PIAS1: variants seen among roughly 807,000 people sequenced by gnomAD.
The protein encoded by PIAS1 is E3 SUMO-protein ligase PIAS1.
PIAS1 carries 6 observed loss-of-function variants against 71.3 expected under a neutral mutation model. The observed-to-expected ratio is 0.08, with a 90% CI of 0.05 to 0.17. The LOEUF is 0.17. Among genes scored for constraint, PIAS1 ranks in the 10% least tolerant of loss-of-function variants. PIAS1 has a pLI of 1.00. For missense variants in PIAS1, 555 were observed against 793.6 expected, an observed-to-expected ratio of 0.70 and a Z score of 3.61; for synonymous variants, 303 against 292.9, an observed-to-expected ratio of 1.03 and a Z score of -0.35.
chr15:68,193,103 G>C lies in PIAS1; in HGVS notation c.*5268G>C, dbSNP rs535029275. On this transcript the variant is annotated 3_prime_UTR_variant, in exon 14 of 14. Transcript: ENST00000249636. ...TGGTTACATCCCCTTATTTCTCTCC[G>C]TAAGTCCTGGGGAGGTGGCTTAAGG... 1 of 152,202 alleles carries C rather than the reference G, an allele frequency of 6.6e-6. No homozygotes were observed. Among genetic ancestry groups the C allele is most frequent in the African/African-American group, 2.4e-5 (1 of 41,406 alleles). The allele number at this position is 152,202 out of a possible 1,614,324, so 9.4% of individuals were successfully genotyped here.
intron 1 of PIAS1, among the ~76,000 whole-genome samples, chr15:68,070,917 G>T (rs1005622353): frequency 1.3e-4 from 20 of 152,020 alleles, no homozygotes; most frequent in Admixed American, 4.6e-4. Context: ...CACTGTGCCT[G>T]GCCTTTTTAC....
chr15:68,077,704 A>C (rs1355059109), intron 1 of PIAS1, among the ~76,000 whole-genome samples: 6 of 152,220 alleles, frequency 3.9e-5, no homozygotes, highest in African/African-American at 1.4e-4. Context: ...AAACATTTTC[A>C]TACTATGTGA....
intron 12 of PIAS1, among the ~76,000 whole-genome samples, chr15:68,182,983 C>T (rs1257060684): frequency 2.0e-5 from 3 of 152,156 alleles, no homozygotes; most frequent in African/African-American, 7.2e-5. Context: ...TGCTCTTCAT[C>T]GCATTACACA....
chr15:68,108,683 T>G (rs2092494563), intron 2 of PIAS1, among the ~76,000 whole-genome samples: 1 of 152,176 alleles, frequency 6.6e-6, no homozygotes, highest in Non-Finnish European at 1.5e-5. Flanking sequence ...CAAAATGAAG[T>G]CTACCCTCAG....
chr15:68,160,671 T>A (rs1249454360), intron 7 of PIAS1, among the ~76,000 whole-genome samples: 2 of 152,190 alleles, frequency 1.3e-5, no homozygotes, highest in Non-Finnish European at 2.9e-5. Flanking sequence ...TGCTGAAATA[T>A]AATTCACCTT....
rs764954346 is a variant in PIAS1 at position 68,187,556 on chromosome 15, C to G, written c.1677C>G (p.Ser559=). The change falls in exon 14 of 14, where the codon TCC becomes TCG. Residue 559 remains serine, a synonymous_variant. Transcript: ENST00000249636. The surrounding 1 kb of genome is among the most constrained non-coding windows in gnomAD (Gnocchi z 5.3). ...LSGDNQHYNT[S]LLAAAAAAVS... The stretch of plus-strand genomic sequence containing the variant: ...CCCCTCCCTAGCATTACAACACCTC[C>G]TTGCTTGCCGCTGCAGCAGCAGCAG... 5.6e-6 allele frequency: 9 copies of G among 1,613,718 alleles called. No homozygotes were observed. In the South Asian group the frequency reaches 9.9e-5, roughly 18 times the overall value.
At chr15:68,067,832 C>A (rs2092046017) in intron 1 of PIAS1, among the ~76,000 whole-genome samples, 1 of 152,074 alleles carries the variant, frequency 6.6e-6, no homozygotes, top group Non-Finnish European at 1.5e-5. Flanking sequence ...AACCTTGAGG[C>A]CTTCCTTTGT....
intron 1 of PIAS1, among the ~76,000 whole-genome samples, chr15:68,075,191 T>C (rs558342197): frequency 2.7e-5 from 4 of 145,762 alleles, no homozygotes; most frequent in Admixed American, 2.1e-4. Flanking sequence ...GTTCAAGCAA[T>C]TCTCCTGCCT....
At chr15:68,128,114 G>C (rs191678526) in intron 2 of PIAS1, among the ~76,000 whole-genome samples, 236 of 152,192 alleles carry the variant, frequency 1.6e-3, no homozygotes, top group African/African-American at 5.2e-3. Context: ...TAGCAGTCTA[G>C]AATGGGAATT....
At chr15:68,165,088 G>A (rs1447759638) in intron 8 of PIAS1, among the ~76,000 whole-genome samples, 3 of 152,146 alleles carry the variant, frequency 2.0e-5, no homozygotes, top group African/African-American at 7.2e-5. Context: ...TATTGTCTCA[G>A]TGTATTTATA....
At chr15:68,091,183 AG>A (rs574773108) in intron 2 of PIAS1, among the ~76,000 whole-genome samples, 37 of 152,334 alleles carry the variant, frequency 2.4e-4, no homozygotes, top group Admixed American at 2.4e-3. Flanking sequence ...TGAAAATAAA[AG>A]GAAAAATAAT....
At chr15:68,118,640 C>T (rs1268729363) in intron 2 of PIAS1, among the ~76,000 whole-genome samples, 3 of 152,202 alleles carry the variant, frequency 2.0e-5, no homozygotes, top group African/African-American at 7.2e-5. Flanking sequence ...CTGTGCCCAG[C>T]TGTCTTGATT....
At chr15:68,088,591 C>G (rs905928942) in intron 2 of PIAS1, among the ~76,000 whole-genome samples, 3 of 151,958 alleles carry the variant, frequency 2.0e-5, no homozygotes, top group Non-Finnish European at 4.4e-5. Context: ...GAATTAAAAA[C>G]AAACCAATTT....
At chr15:68,160,122 T>C (rs2092915041) in intron 7 of PIAS1, among the ~76,000 whole-genome samples, 1 of 152,178 alleles carries the variant, frequency 6.6e-6, no homozygotes, top group African/African-American at 2.4e-5. Context: ...TTTGATGAAG[T>C]ATCTGCCAAA....
At chr15:68,155,456 A>AAAAAC (rs1160480592) in intron 7 of PIAS1, among the ~76,000 whole-genome samples, 2 of 150,926 alleles carry the variant, frequency 1.3e-5, no homozygotes, top group Non-Finnish European at 3.0e-5. Flanking sequence ...CTGTAAAAAA[A>AAAAAC]AAAAAAAAAA....
chr15:68,064,518 A>G (rs764163590), intron 1 of PIAS1, among the ~76,000 whole-genome samples: 7 of 152,246 alleles, frequency 4.6e-5, no homozygotes, highest in Non-Finnish European at 4.4e-5. Context: ...TGGAAGATAG[A>G]CCAATGAATT....
chr15:68,144,494 T>C (rs2092794283), intron 4 of PIAS1, among the ~76,000 whole-genome samples: 1 of 152,148 alleles, frequency 6.6e-6, no homozygotes. Flanking sequence ...ATTAGTTGAA[T>C]AGACACTGTC....
chr15:68,166,350 T>A (rs1018932341), intron 8 of PIAS1, among the ~76,000 whole-genome samples: 8 of 151,926 alleles, frequency 5.3e-5, no homozygotes, highest in Non-Finnish European at 1.0e-4. Flanking sequence ...TTTGTTTTTT[T>A]ATTTTTTTTT....
intron 2 of PIAS1, among the ~76,000 whole-genome samples, chr15:68,097,391 G>A (rs1318624506): frequency 6.6e-6 from 1 of 151,872 alleles, no homozygotes; most frequent in African/African-American, 2.4e-5. Context: ...CCTTCCTGTT[G>A]AGTTTTTTAA....
Sources: gnomAD v4.1 joint callset for allele counts (sites outside exome capture counted in the v4.1 genomes callset) on GRCh38, gnomAD v4.1.1 for gene constraint, Gnocchi (gnomAD v3.1) non-coding constraint, MANE v1.5 for transcripts, NCBI Gene and HGNC (gene_info 2026-07-23, HGNC 2026-07-21) for gene names.